The following DHX8 variants were observed in gnomAD, a reference collection of about 807,000 sequenced individuals.
The protein encoded by DHX8 is ATP-dependent RNA helicase DHX8.
In DHX8, 67 loss-of-function variants were observed where a neutral mutation model predicts 140.7. The observed-to-expected ratio is 0.48, with a 90% confidence interval of 0.39 to 0.58. The LOEUF is 0.58. Ranked by LOEUF, DHX8 falls within the 20% of genes least tolerant of loss-of-function variation. The pLI is 0.00. For synonymous variants in DHX8, 533 were observed against 553.2 expected (o/e 0.96, Z 0.51); for missense variants, 887 against 1,550.7 (o/e 0.57, Z 7.19).
chr17:43,494,067 C>T (rs1342569292), intron 8 of DHX8, among the ~76,000 whole-genome samples, 181 bp downstream of exon 8: 1 of 152,168 alleles, frequency 6.6e-6, no homozygotes, highest in Non-Finnish European at 1.5e-5. Flanking sequence ...GTTTATTGGA[C>T]TTAGAATTCC....
intron 3 of DHX8, chr17:43,543,976 A>T (rs1971663297): frequency 6.6e-6 from 1 of 152,186 alleles, no homozygotes; most frequent in Admixed American, 6.5e-5. Context: ...CTTTAAAAAA[A>T]TTAGATACCC....
At chr17:43,485,524 A>T (rs1968086710) in intron 1 of DHX8, among the ~76,000 whole-genome samples, 1 of 151,960 alleles carries the variant, frequency 6.6e-6, no homozygotes, top group Non-Finnish European at 1.5e-5. Flanking sequence ...CTTCTCTTTT[A>T]GTTGATAATG....
At chr17:43,484,687 G>A (rs184630221) in intron 1 of DHX8, among the ~76,000 whole-genome samples, 47 of 152,270 alleles carry the variant, frequency 3.1e-4, no homozygotes, top group African/African-American at 1.0e-3. Flanking sequence ...TGTTTCCCGG[G>A]CTGGAGTGCA....
downstream of DHX8, chr17:43,530,040 C>T: frequency 6.2e-7 from 1 of 1,610,070 alleles, no homozygotes; most frequent in Non-Finnish European, 8.5e-7. Context: ...CCAGGGAGAC[C>T]CTCCCCCATG....
downstream of DHX8, chr17:43,528,157 T>A (rs1970677895): frequency 4.0e-6 from 1 of 248,830 alleles, no homozygotes; most frequent in African/African-American, 2.2e-5. Flanking sequence ...CTCACCCTCC[T>A]GCCAGTATGA....
At chr17:43,498,446 CT>C (rs970920782) in intron 9 of DHX8, among the ~76,000 whole-genome samples, 1 of 147,964 alleles carries the variant, frequency 6.8e-6, no homozygotes, top group Non-Finnish European at 1.5e-5. Flanking sequence ...TGCACCCGGC[CT>C]TTTTTTTCTT....
At chr17:43,484,451 CAATT>C (rs1006817483) in intron 1 of DHX8, among the ~76,000 whole-genome samples, 3 of 152,068 alleles carry the variant, frequency 2.0e-5, no homozygotes, top group African/African-American at 7.2e-5. Flanking sequence ...TTTTCAGCCT[CAATT>C]AAACATGTTT....
At chr17:43,488,426 A>G (rs1041888547) in intron 1 of DHX8, among the ~76,000 whole-genome samples, 1 of 151,942 alleles carries the variant, frequency 6.6e-6, no homozygotes, top group Non-Finnish European at 1.5e-5. Context: ...CCTGGCTAAC[A>G]TGGTGAAACC....
At chr17:43,541,650 A>G (rs1971528144) in intron 3 of DHX8, among the ~76,000 whole-genome samples, 1 of 152,104 alleles carries the variant, frequency 6.6e-6, no homozygotes, top group Non-Finnish European at 1.5e-5. Flanking sequence ...CCCACACTAC[A>G]TATGCTCGGT....
chr17:43,492,403 A>G (rs906491814), intron 5 of DHX8, 111 bp downstream of exon 5: 11 of 750,976 alleles, frequency 1.5e-5, no homozygotes, highest in Admixed American at 1.2e-4. Context: ...GACTGGTCAT[A>G]TATCATATTG....
At chr17:43,484,331 C>G in intron 1 of DHX8, 146 bp downstream of exon 1, 1 of 990,008 alleles carries the variant, frequency 1.0e-6, no homozygotes, top group South Asian at 1.6e-5. Flanking sequence ...GCCCAGGGTA[C>G]ACGCTGCCGT....
chr17:43,528,671 T>C, downstream of DHX8: 1 of 1,614,194 alleles, frequency 6.2e-7, no homozygotes. Flanking sequence ...GGACGCTGAT[T>C]GTCCGGGAAG....
At position 43,492,728 on chromosome 17, in the gene DHX8, G is replaced by A. The variant is rs147344331; in HGVS notation, c.551G>A (p.Arg184Gln). The A allele has an allele frequency of 2.1e-5, 34 of 1,612,778 alleles. No homozygotes were observed. Among genetic ancestry groups the A allele is most frequent in the African/African-American group, 5.3e-5 (4 of 74,896 alleles). Residue 184 changes from arginine to glutamine, a missense_variant, in exon 6 of 23, where the codon CGA becomes CAA. Transcript: ENST00000262415. ...KKRSRSRDRN[R>Q]DRDRDRERNR... is the part of the protein sequence containing the mutation. ...CGGAGTCGAAGCCGAGATCGAAACC[G>A]AGATCGAGACAGAGATAGGGAACGA...
downstream of DHX8, chr17:43,525,685 G>A: frequency 1.0e-6 from 1 of 984,190 alleles, no homozygotes; most frequent in Non-Finnish European, 1.2e-6. Flanking sequence ...GCCTAGGCTG[G>A]CATCAAACTC....
chr17:43,529,098 C>T, downstream of DHX8: 4 of 1,593,086 alleles, frequency 2.5e-6, no homozygotes, highest in Non-Finnish European at 3.4e-6. Context: ...ACAGCCACTG[C>T]CCCCCACCAC....
At chr17:43,541,789 A>G (rs1971537467) in intron 3 of DHX8, among the ~76,000 whole-genome samples, 1 of 152,146 alleles carries the variant, frequency 6.6e-6, no homozygotes, top group Admixed American at 6.6e-5. Flanking sequence ...GGAAGGAACC[A>G]GTTCACTAGT....
Position 43,507,575 on chromosome 17 carries a change from T to A in DHX8, c.1996T>A (p.Leu666Met). 1.9e-6 allele frequency: 3 copies of A among 1,614,182 alleles called. No individual in the cohort carries two copies. The highest frequency in any genetic ancestry group is 2.5e-6 in the Non-Finnish European group (3 of 1,180,036). Residue 666 changes from leucine to methionine, a missense_variant, in exon 14 of 23, where the codon TTG (leucine) becomes ATG (methionine). By Grantham distance (15) the Leu-to-Met change is conservative. Coordinates refer to ENST00000262415, the MANE Select transcript of DHX8 (RefSeq NM_004941.3). The stretch of plus-strand genomic sequence containing the variant: ...CATCAAGTACATGACAGATGGGATG[T>A]TGCTTAGAGAGTGCTTGATTGACCC... ...TVIKYMTDGM[L>M]LRECLIDPDL...
chr17:43,525,236 C>T lies in DHX8; in HGVS notation c.*1389C>T. 5.1e-6 allele frequency: 5 copies of T among 985,462 alleles called. No individual in the cohort carries two copies. Among genetic ancestry groups the T allele is most frequent in the South Asian group, 4.7e-5 (1 of 21,288 alleles). The allele number at this position is 985,462 out of a possible 1,614,324, so 61.0% of individuals were successfully genotyped here. On this transcript the variant is annotated 3_prime_UTR_variant, in exon 23 of 23. Coordinates refer to ENST00000262415, the MANE Select transcript of DHX8 (RefSeq NM_004941.3). ...ACATCCTGTTACGTTGCTGCTTCTC[C>T]TGTCCTTATGTTATTAGTAAGTTCT... is the stretch of plus-strand genomic sequence containing the variant.
At chr17:43,508,766 C>A (rs1969629746) in intron 16 of DHX8, among the ~76,000 whole-genome samples, 1 of 152,042 alleles carries the variant, frequency 6.6e-6, no homozygotes, top group South Asian at 2.1e-4. Flanking sequence ...ACTACAGGCA[C>A]CTGCCACCAC....
Sources: gnomAD v4.1 joint callset for allele counts (sites outside exome capture counted in the v4.1 genomes callset) on GRCh38, gnomAD v4.1.1 for gene constraint, MANE v1.5 for transcripts, NCBI Gene and HGNC (gene_info 2026-07-23, HGNC 2026-07-21) for gene names.